Variants in PFKFB3 observed in about 807,000 individuals in gnomAD.
The protein encoded by PFKFB3 is 6-phosphofructo-2-kinase/fructose-2,6-bisphosphatase 3.
A neutral mutation model predicts 68.0 loss-of-function variants in PFKFB3; 33 were observed. That is an observed-to-expected ratio of 0.49 (90% CI 0.37 to 0.65). The LOEUF (loss-of-function observed/expected upper bound fraction) is 0.65, where lower values mean the gene tolerates loss of function less well. Ranked by LOEUF, PFKFB3 falls within the 30% of genes least tolerant of loss-of-function variation. The pLI is 0.00. For missense variants in PFKFB3, 586 were observed against 712.2 expected, an observed-to-expected ratio of 0.82 and a Z score of 2.02; for synonymous variants, 315 against 288.2, an observed-to-expected ratio of 1.09 and a Z score of -0.94.
chr10:6,257,212 C>G (rs992357960), downstream of PFKFB3, among the ~76,000 whole-genome samples: 4 of 152,130 alleles, frequency 2.6e-5, no homozygotes, highest in Non-Finnish European at 2.9e-5. Flanking sequence ...TACAAAGAAC[C>G]CTTTCTGAGT....
At chr10:6,256,759 A>T (rs1392073649), downstream of PFKFB3, among the ~76,000 whole-genome samples, 1 of 152,238 alleles carries the variant, frequency 6.6e-6, no homozygotes, top group Non-Finnish European at 1.5e-5. Flanking sequence ...AGGGCCTTTC[A>T]GACCTGGATA....
At chr10:6,240,126 C>T (rs1846107316), downstream of PFKFB3, among the ~76,000 whole-genome samples, 1 of 152,202 alleles carries the variant, frequency 6.6e-6, no homozygotes, top group African/African-American at 2.4e-5. Flanking sequence ...ATAGGCCAAG[C>T]TCCTATTTAT....
intron 1 of PFKFB3, among the ~76,000 whole-genome samples, chr10:6,203,742 C>G (rs1054319427): frequency 6.6e-6 from 1 of 152,214 alleles, no homozygotes; most frequent in Non-Finnish European, 1.5e-5. Flanking sequence ...TCTCCTCTCT[C>G]TGCATGTTTC....
intron 6 of PFKFB3, among the ~76,000 whole-genome samples, chr10:6,218,824 C>A (rs945277728): frequency 6.6e-5 from 10 of 152,250 alleles, no homozygotes; most frequent in Non-Finnish European, 1.2e-4. Flanking sequence ...ACTTTCTCAT[C>A]TTCCCCGGCT....
chr10:6,211,049 C>G (rs1300285343), intron 1 of PFKFB3, among the ~76,000 whole-genome samples: 1 of 152,020 alleles, frequency 6.6e-6, no homozygotes, highest in Non-Finnish European at 1.5e-5. Context: ...TACCCCTGAG[C>G]TATATCCCCA....
At chr10:6,282,407 C>T in the PFKFB3 span, among the ~76,000 whole-genome samples, 1 of 152,142 alleles carries the variant, frequency 6.6e-6, no homozygotes, top group Non-Finnish European at 1.5e-5. Flanking sequence ...CATGGTCTGA[C>T]TCAGTGTGTC....
downstream of PFKFB3, among the ~76,000 whole-genome samples, chr10:6,255,032 G>T (rs554579194): frequency 2.0e-5 from 3 of 151,806 alleles, no homozygotes; most frequent in African/African-American, 7.2e-5. Context: ...GGCCAGGCTG[G>T]TCTCGAACTC....
intron 14 of PFKFB3, among the ~76,000 whole-genome samples, chr10:6,250,811 A>G (rs990168466): frequency 5.9e-5 from 9 of 152,318 alleles, no homozygotes; most frequent in Admixed American, 1.3e-4. Context: ...GTTTTAATAA[A>G]TGACCCAGTC....
the PFKFB3 span, among the ~76,000 whole-genome samples, chr10:6,309,657 T>C: frequency 6.6e-6 from 1 of 150,916 alleles, no homozygotes; most frequent in African/African-American, 2.4e-5. Flanking sequence ...GCCAAAAGAG[T>C]ATTATAATTT....
At chr10:6,255,915 C>A (rs1338148494), downstream of PFKFB3, among the ~76,000 whole-genome samples, 1 of 152,182 alleles carries the variant, frequency 6.6e-6, no homozygotes. Context: ...GGGAGGGCAG[C>A]CCTGACATTC....
At chr10:6,198,423 C>G (rs906171159), upstream of PFKFB3, among the ~76,000 whole-genome samples, 3 of 152,258 alleles carry the variant, frequency 2.0e-5, no homozygotes, top group African/African-American at 7.2e-5. Context: ...ATTCTCCTCA[C>G]ATCCACTTAA....
chr10:6,176,027 G>A (rs1458966470), intron 1 of PFKFB3, among the ~76,000 whole-genome samples: 3 of 152,234 alleles, frequency 2.0e-5, no homozygotes, highest in African/African-American at 4.8e-5. Flanking sequence ...TGTTCACTGC[G>A]GCACCCCAAC....
intron 1 of PFKFB3, among the ~76,000 whole-genome samples, chr10:6,187,355 C>T (rs1296590610): frequency 1.3e-5 from 2 of 151,950 alleles, no homozygotes; most frequent in African/African-American, 2.4e-5. Context: ...AGTGATACTC[C>T]GTCTCAGAAA....
At chr10:6,241,967 C>G (rs1217040689) in intron 14 of PFKFB3, among the ~76,000 whole-genome samples, 3 of 151,506 alleles carry the variant, frequency 2.0e-5, no homozygotes, top group Non-Finnish European at 4.4e-5. Context: ...CACCTCAGCC[C>G]CCCGAGTAGC....
At chr10:6,207,300 T>C (rs1176467746) in intron 1 of PFKFB3, among the ~76,000 whole-genome samples, 1 of 152,146 alleles carries the variant, frequency 6.6e-6, no homozygotes, top group Non-Finnish European at 1.5e-5. Context: ...CAGTCAGGCG[T>C]GGCGGCGCCT....
At chr10:6,276,928 A>G in the PFKFB3 span, among the ~76,000 whole-genome samples, 1 of 151,806 alleles carries the variant, frequency 6.6e-6, no homozygotes, top group African/African-American at 2.4e-5. Context: ...ATCAAGATAT[A>G]TCTTGATTTT....
intron 1 of PFKFB3, among the ~76,000 whole-genome samples, chr10:6,169,829 G>A (rs907186650): frequency 1.3e-5 from 2 of 152,094 alleles, no homozygotes; most frequent in Non-Finnish European, 2.9e-5. Flanking sequence ...CCTGGCTCCC[G>A]GTTTTATGTT....
At chr10:6,218,195 G>GT in intron 6 of PFKFB3, among the ~76,000 whole-genome samples, 1 of 152,264 alleles carries the variant, frequency 6.6e-6, no homozygotes, top group African/African-American at 2.4e-5. Context: ...ATTTTTCCCA[G>GT]TGAGTGGTCA....
the PFKFB3 span, among the ~76,000 whole-genome samples, chr10:6,314,036 G>A: frequency 6.6e-6 from 1 of 152,224 alleles, no homozygotes; most frequent in Non-Finnish European, 1.5e-5. Flanking sequence ...TAGAAACTGT[G>A]CAGCGTCCCT....
Sources: allele counts gnomAD v4.1 joint callset (sites outside exome capture counted in the v4.1 genomes callset), GRCh38; gene constraint gnomAD v4.1.1; transcripts MANE v1.5; gene names NCBI Gene and HGNC (gene_info 2026-07-23, HGNC 2026-07-21).